RBM33: variants seen among roughly 807,000 people sequenced by gnomAD.
The protein encoded by RBM33 is RNA-binding protein 33.
In RBM33, 28 loss-of-function variants were observed where a neutral mutation model predicts 132.6. The observed-to-expected ratio is 0.21, with a 90% CI of 0.16 to 0.29. The LOEUF is 0.29. Among genes scored for constraint, RBM33 ranks in the 10% least tolerant of loss-of-function variants. The pLI is 1.00. For synonymous variants in RBM33, 634 were observed against 593.0 expected (o/e 1.07, Z -1.01); for missense variants, 1,291 against 1,518.5 (o/e 0.85, Z 2.49).
chr7:155,673,411 T>G (rs1210203275), intron 3 of RBM33, among the ~76,000 whole-genome samples: 412 of 20,812 alleles, frequency 0.02, 9 homozygotes, highest in South Asian at 0.038. Context: ...ATTGTGTGTG[T>G]GTGTGTGTGT....
At chr7:155,743,233 G>A (rs1367600437) in intron 13 of RBM33, among the ~76,000 whole-genome samples, 5 of 152,172 alleles carry the variant, frequency 3.3e-5, no homozygotes, top group East Asian at 1.9e-4. Context: ...AAACTGGATC[G>A]GAATAGTTTA....
At chr7:155,654,522 C>G (rs1309707035) in intron 1 of RBM33, among the ~76,000 whole-genome samples, 1 of 152,162 alleles carries the variant, frequency 6.6e-6, no homozygotes, top group Non-Finnish European at 1.5e-5. Context: ...CTACTTCTCT[C>G]TATGAGTGTG....
chr7:155,735,647 G>T (rs546909807), intron 9 of RBM33, among the ~76,000 whole-genome samples: 16 of 152,002 alleles, frequency 1.1e-4, no homozygotes, highest in Admixed American at 9.2e-4. Context: ...ACAATGAGCT[G>T]ATTGCGCCAC....
chr7:155,673,948 T>TG (rs1563138371), intron 3 of RBM33, among the ~76,000 whole-genome samples: 4,163 of 104,494 alleles, frequency 0.04, 307 homozygotes, highest in African/African-American at 0.07. Flanking sequence ...TAGTTTTTTT[T>TG]TTTTTTTTTT....
At chr7:155,719,785 A>G (rs1287812005) in intron 9 of RBM33, among the ~76,000 whole-genome samples, 1 of 152,206 alleles carries the variant, frequency 6.6e-6, no homozygotes, top group East Asian at 1.9e-4. Context: ...TGTTAAAATC[A>G]TTTTTGGATG....
chr7:155,738,513 G>T, intron 11 of RBM33, 110 bp downstream of exon 11: 1 of 1,077,992 alleles, frequency 9.3e-7, no homozygotes, highest in Non-Finnish European at 1.3e-6. Context: ...GTTATTTAAA[G>T]AATAGAGTAT....
chr7:155,704,357 A>G (rs1465653736), intron 6 of RBM33, among the ~76,000 whole-genome samples: 11 of 152,240 alleles, frequency 7.2e-5, no homozygotes, highest in Non-Finnish European at 1.3e-4. Flanking sequence ...CAAGGACGAT[A>G]CAGAACTACA....
intron 2 of RBM33, 106 bp downstream of exon 2, chr7:155,665,359 GCT>G: frequency 1.0e-6 from 1 of 955,272 alleles, no homozygotes; most frequent in Non-Finnish European, 1.7e-6. Context: ...ACTACCTGGC[GCT>G]CTCTCTTGAG....
chr7:155,711,977 CATTT>C (rs1800317913), intron 8 of RBM33, among the ~76,000 whole-genome samples: 1 of 152,218 alleles, frequency 6.6e-6, no homozygotes, highest in Non-Finnish European at 1.5e-5. Flanking sequence ...CTTCCCCATT[CATTT>C]AGATTTTAGT....
intron 1 of RBM33, among the ~76,000 whole-genome samples, chr7:155,651,045 T>G (rs1157968419): frequency 1.3e-5 from 2 of 152,058 alleles, no homozygotes; most frequent in Non-Finnish European, 2.9e-5. Flanking sequence ...ACCCAGCTGA[T>G]TTTTGTATTT....
At position 155,775,121 on chromosome 7, in the gene RBM33, C is replaced by G; in HGVS notation, c.*80C>G. 8.0e-7 allele frequency: 1 copy of G among 1,254,152 alleles called. No individual in the cohort carries two copies. The highest frequency in any genetic ancestry group is 1.2e-6 in the Non-Finnish European group (1 of 852,614). 77.7% of individuals were successfully genotyped at this position (1,254,152 alleles called of 1,614,324 possible). ...AGGGAGCTGCCGGCCGGCGCAGAAC[C>G]CCCAGGAGCACAGGTCTCTCCGGGC... On this transcript the variant is annotated 3_prime_UTR_variant, in exon 18 of 18. Coordinates refer to ENST00000401878, the MANE Select transcript of RBM33 (RefSeq NM_053043.3).
Position 155,673,768 on chromosome 7 carries a change from G to GCGCGCACACA in RBM33, c.171+854_171+855insGCGCACACAC, listed in dbSNP as rs1554469952. ...CACGTGTATATACGCGCGCATGCGC[G>GCGCGCACACA]CACACACACACACACACACACACAC... On this transcript the variant is annotated intron_variant, in intron 3 of 17. Transcript: ENST00000401878. Among the ~76,000 whole-genome samples, 166 of 132,980 alleles carry GCGCGCACACA rather than the reference G, an allele frequency of 1.2e-3. 10 individuals carry two copies. Among genetic ancestry groups the GCGCGCACACA allele is most frequent in the African/African-American group, 4.9e-3 (150 of 30,892 alleles). The allele number at this position is 132,980 out of a possible 152,430, so 87.2% of individuals were successfully genotyped here.
chr7:155,728,451 C>T (rs771125701), intron 9 of RBM33, among the ~76,000 whole-genome samples: 2 of 152,134 alleles, frequency 1.3e-5, no homozygotes, highest in African/African-American at 2.4e-5. Flanking sequence ...CTTCTTTCTC[C>T]GTTCTTACTC....
At chr7:155,645,006 G>A (rs1798137889) in intron 1 of RBM33, 87 bp downstream of exon 1, 5 of 1,005,162 alleles carry the variant, frequency 5.0e-6, no homozygotes, top group African/African-American at 1.7e-5. Context: ...CTTAGGAGAG[G>A]ACGAGGCTCT....
intron 14 of RBM33, among the ~76,000 whole-genome samples, chr7:155,755,889 T>C (rs1177531339): frequency 6.6e-6 from 1 of 151,532 alleles, no homozygotes; most frequent in Non-Finnish European, 1.5e-5. Flanking sequence ...AAATAGTGCC[T>C]TTTATAAATA....
intron 1 of RBM33, among the ~76,000 whole-genome samples, chr7:155,662,580 C>T (rs1472033715): frequency 6.6e-6 from 1 of 152,048 alleles, no homozygotes; most frequent in Non-Finnish European, 1.5e-5. Context: ...GTACCAGTCT[C>T]TGGGTGATAC....
chr7:155,736,142 A>G (rs1488382240), intron 9 of RBM33, among the ~76,000 whole-genome samples: 3 of 152,200 alleles, frequency 2.0e-5, no homozygotes, highest in East Asian at 1.9e-4. Flanking sequence ...CATTTTGTCT[A>G]TTCTGTCAAT....
At chr7:155,659,994 G>T (rs1798596526) in intron 1 of RBM33, among the ~76,000 whole-genome samples, 1 of 152,172 alleles carries the variant, frequency 6.6e-6, no homozygotes, top group African/African-American at 2.4e-5. Context: ...TCCTTATGTA[G>T]ACATCAGTCG....
chr7:155,706,682 G>A (rs1334290214), intron 6 of RBM33, 178 bp from the exon 7 acceptor site: 3 of 584,792 alleles, frequency 5.1e-6, no homozygotes, highest in Non-Finnish European at 9.2e-6. Flanking sequence ...GATCTCACTA[G>A]TGGGTTGTGT....
Sources: allele counts gnomAD v4.1 joint callset (sites outside exome capture counted in the v4.1 genomes callset), GRCh38; gene constraint gnomAD v4.1.1; transcripts MANE v1.5; gene names NCBI Gene and HGNC (gene_info 2026-07-23, HGNC 2026-07-21).